Variants in ARSD observed in about 807,000 individuals in gnomAD.
ARSD encodes arylsulfatase D.
ARSD carries 21 observed loss-of-function variants against 32.6 expected under a neutral mutation model. The ratio of observed to expected loss-of-function variants is 0.64; its 90% CI spans 0.46 to 0.93. ARSD has a LOEUF of 0.93. Among genes scored for constraint, ARSD ranks in the 40% least tolerant of loss-of-function variants. The pLI, the probability that ARSD is intolerant of heterozygous loss-of-function variation, is 0.00. For missense variants in ARSD, 454 were observed against 520.9 expected (o/e 0.87, Z 1.25); for synonymous variants, 224 against 237.4 (o/e 0.94, Z 0.52).
rs2088856758 is a variant in ARSD at position 2,907,095 on chromosome X, GGACAGAGC to G, written c.*168_*175del. The stretch of plus-strand genomic sequence containing the variant: ...TCGTGCCATTGCATTCCAGCCTGAG[GGACAGAGC>G]GACACTCTGTCTCAAAAAAGAAAGA... On this transcript the variant is annotated 3_prime_UTR_variant, in exon 10 of 10. Transcript: ENST00000381154. The G allele has an allele frequency of 6.6e-6, 3 of 451,381 alleles. No individual in the cohort carries two copies. Among genetic ancestry groups the G allele is most frequent in the Non-Finnish European group, 1.1e-5 (3 of 270,544 alleles). 37.2% of individuals were successfully genotyped at this position (451,381 alleles called of 1,213,427 possible). A position where few individuals can be genotyped will look rare whatever the true frequency, so the allele number is the denominator to read the frequency against.
rs745882512 is a variant in ARSD at position 2,917,999 on chromosome X, A to G, written c.668T>C (p.Phe223Ser). 1 of 1,208,164 alleles carries G rather than the reference A, an allele frequency of 8.3e-7. No homozygotes were observed. Among genetic ancestry groups the G allele is most frequent in the African/African-American group, 1.7e-5 (1 of 57,563 alleles). ...GGTGACTGCTCTCGCGGAGACAGAG[A>G]AGAAACCGCAGGTCTGGCCGGCAGC... ...TLAAGQTCGF[F>S]SVSARAVTGM... The change falls in exon 5 of 10, where the codon TTC (phenylalanine) becomes TCC (serine). Residue 223 changes from phenylalanine (F) to serine (S), a missense_variant. Transcript: ENST00000381154.
chrX:2,910,319 T>A (rs866105632), intron 7 of ARSD, among the ~76,000 whole-genome samples: 5 of 103,486 alleles, frequency 4.8e-5, no homozygotes, highest in Non-Finnish European at 7.8e-5. Context: ...ATATGTATTA[T>A]TATGCATCAA....
chrX:2,911,648 C>G (rs1421368970), intron 6 of ARSD, among the ~76,000 whole-genome samples: 7 of 86,540 alleles, frequency 8.1e-5, no homozygotes, highest in African/African-American at 3.2e-4. Context: ...CCAGCCTGGG[C>G]GACAGGGTGA....
At chrX:2,915,221 C>T in intron 6 of ARSD, among the ~76,000 whole-genome samples, 1 of 111,123 alleles carries the variant, frequency 9.0e-6, no homozygotes, top group Middle Eastern at 4.6e-3. Flanking sequence ...GTGGTGCGAT[C>T]TCAACTCACT....
At chrX:2,912,946 C>G (rs2088914771) in intron 6 of ARSD, among the ~76,000 whole-genome samples, 1 of 112,258 alleles carries the variant, frequency 8.9e-6, no homozygotes, top group South Asian at 3.7e-4. Flanking sequence ...ACTTTGAAGC[C>G]TGCTGTAAAC....
At chrX:2,913,721 G>T in intron 6 of ARSD, 1 of 957,835 alleles carries the variant, frequency 1.0e-6, no homozygotes. Context: ...GTCATTGGCT[G>T]TGTAGAAGGT....
At position 2,906,381 on chromosome X, in the gene ARSD, A is replaced by G. The variant is rs1243485716; in HGVS notation, c.*890T>C. The G allele has an allele frequency of 9.0e-6, 1 of 110,723 alleles. No individual in the cohort carries two copies. The highest frequency in any genetic ancestry group is 1.9e-5 in the Non-Finnish European group (1 of 52,956). The allele number at this position is 110,723 out of a possible 1,213,427, so 9.1% of individuals were successfully genotyped here. A position where few individuals can be genotyped will look rare whatever the true frequency, so the allele number is the denominator to read the frequency against. On this transcript the variant is annotated 3_prime_UTR_variant, in exon 10 of 10. Transcript: ENST00000381154. ...GGTGTCTAACTCCTAGGCTCAAGTG[A>G]TCCTCCCACCTTAGCCTCCCAAAGT...
intron 5 of ARSD, 71 bp from the exon 6 acceptor site, chrX:2,915,763 G>A (rs2088952536): frequency 1.1e-5 from 11 of 1,038,350 alleles, no homozygotes; most frequent in Non-Finnish European, 1.4e-5. Context: ...GCACCCATAC[G>A]TTCACTCCAG....
chrX:2,908,539 C>CCA (rs1217781677), intron 9 of ARSD, among the ~76,000 whole-genome samples, 182 bp downstream of exon 9: 1 of 100,709 alleles, frequency 9.9e-6, no homozygotes, highest in Admixed American at 1.1e-4. Flanking sequence ...CTCTCTCCCC[C>CCA]CCCCATCATC....
In ARSD at chrX:2,929,260, G is replaced by C; in HGVS notation, c.16C>G (p.Arg6Gly). ...GCGGCGGGCGCGGCGCGTCCCCTCC[G>C]CGCGGCGGATCGCATGGCCGAGCGC... MRSAA[R>G]RGRAAPAARD... The change falls in exon 1 of 10, where the codon CGG (arginine) becomes GGG (glycine). Residue 6 changes from arginine (R) to glycine (G), a missense_variant. By Grantham distance (125) the Arg-to-Gly change is moderately radical (BLOSUM62 -2). Around this residue, in one of 3 missense-constraint regions of ARSD, gnomAD observed 271 missense variants for 301.0 expected, o/e 0.90. Transcript: ENST00000381154. 1 of 1,026,376 alleles carries C rather than the reference G, an allele frequency of 9.7e-7. No homozygotes were observed. Among genetic ancestry groups the C allele is most frequent in the Non-Finnish European group, 1.2e-6 (1 of 810,827 alleles). 84.6% of individuals were successfully genotyped at this position (1,026,376 alleles called of 1,213,427 possible).
At chrX:2,907,968 G>A (rs1253894421) in intron 9 of ARSD, 2 of 836,863 alleles carry the variant, frequency 2.4e-6, no homozygotes, top group Non-Finnish European at 2.9e-6. Context: ...ACTGTTCAGC[G>A]TCGATCTACT....
chrX:2,911,593 C>A (rs1475921197), intron 6 of ARSD, among the ~76,000 whole-genome samples: 1 of 104,076 alleles, frequency 9.6e-6, no homozygotes. Context: ...TGGTGTGAAC[C>A]CAGGAGGCGG....
intron 6 of ARSD, chrX:2,913,949 C>T: frequency 3.5e-6 from 1 of 287,588 alleles, no homozygotes; most frequent in Non-Finnish European, 4.8e-6. Context: ...TCTCTTGGTC[C>T]TTCTCCTGCC....
rs2088843530 is a variant in ARSD at position 2,905,130 on chromosome X, G to T, written c.*2141C>A. ...GCTGCCTGGTTAGCAGGGCTGTGAT[G>T]ATTCTTCTACCTATGACTCTCAGTG... On this transcript the variant is annotated 3_prime_UTR_variant, in exon 10 of 10. Transcript: ENST00000381154. The T allele has an allele frequency of 3.6e-5, 12 of 332,050 alleles. No homozygotes were observed. Among genetic ancestry groups the T allele is most frequent in the South Asian group, 3.0e-4 (11 of 36,873 alleles). 27.4% of individuals were successfully genotyped at this position (332,050 alleles called of 1,213,427 possible).
chrX:2,904,921 A>G lies in ARSD; in HGVS notation c.*2350T>C. ...GATGTTTCTTTTTTTTTTTTTTTTTAATCATTTTTTGGTTATGCCAGGTGT... is the reference window on the plus strand; with the variant it reads ...GATGTTTCTTTTTTTTTTTTTTTTTGATCATTTTTTGGTTATGCCAGGTGT... On this transcript the variant is annotated 3_prime_UTR_variant, in exon 10 of 10. Transcript: ENST00000381154. The G allele has an allele frequency of 5.7e-6, 1 of 174,131 alleles. No homozygotes were observed. Among genetic ancestry groups the G allele is most frequent in the Non-Finnish European group, 1.1e-5 (1 of 90,330 alleles). The allele number at this position is 174,131 out of a possible 1,213,427, so 14.4% of individuals were successfully genotyped here. A position where few individuals can be genotyped will look rare whatever the true frequency, so the allele number is the denominator to read the frequency against.
intron 7 of ARSD, 37 bp from the exon 8 acceptor site, chrX:2,910,016 A>G: frequency 8.3e-7 from 1 of 1,208,081 alleles, no homozygotes. Flanking sequence ...TTTGCCGGAA[A>G]CTGCCCAGTC....
intron 6 of ARSD, among the ~76,000 whole-genome samples, chrX:2,915,320 A>G (rs1603461121): frequency 9.0e-6 from 1 of 111,139 alleles, no homozygotes; most frequent in Non-Finnish European, 1.9e-5. Flanking sequence ...ACACCGGGTT[A>G]GTTTTTGTAT....
At chrX:2,921,076 A>C (rs944918743) in intron 3 of ARSD, among the ~76,000 whole-genome samples, 1 of 111,246 alleles carries the variant, frequency 9.0e-6, no homozygotes, top group African/African-American at 3.3e-5. Context: ...CCCTACATAC[A>C]GTGCACAGAA....
chrX:2,924,047 C>T lies in ARSD; in HGVS notation c.194+1569G>A, dbSNP rs780774032. 1.4e-3 allele frequency among the ~76,000 whole-genome samples: 156 copies of T among 112,391 alleles called. 1 individual carries two copies. The highest frequency in any genetic ancestry group is 4.9e-3 in the African/African-American group (153 of 31,019). On this transcript the variant is annotated intron_variant, in intron 2 of 9. Transcript: ENST00000381154. The stretch of plus-strand genomic sequence containing the variant: ...GGGGGCAGATTGATTGATTGATTGA[C>T]TTAGAGACAGGGTCTTGCTCTGTGG...
Sources: gnomAD v4.1 joint callset for allele counts (sites outside exome capture counted in the v4.1 genomes callset) on GRCh38, gnomAD v4.1.1 for gene constraint, gnomAD v4.1.1 regional missense constraint, MANE v1.5 for transcripts, NCBI Gene and HGNC (gene_info 2026-07-23, HGNC 2026-07-21) for gene names.